Variants in OR51B5 observed in about 807,000 individuals in gnomAD.
OR51B5 encodes the protein olfactory receptor 51B5.
For missense variants in OR51B5, 456 were observed against 374.6 expected (o/e 1.22, Z -1.79); for synonymous variants, 186 against 144.8 (o/e 1.28, Z -2.04).
chr11:5,469,411 A>G (rs370520520), intron 1 of OR51B5: 13 of 152,412 alleles, frequency 8.5e-5, no homozygotes, highest in African/African-American at 3.1e-4. Flanking sequence ...TGTTAGTCCC[A>G]AAGCCCCCCA....
intron 1 of OR51B5, among the ~76,000 whole-genome samples, chr11:5,503,303 C>T (rs919489421): frequency 4.6e-5 from 7 of 152,144 alleles, no homozygotes; most frequent in Non-Finnish European, 1.0e-4. Context: ...AGTTTCATCA[C>T]AGTCTAATTC....
At chr11:5,352,262 C>A (rs750298194) in intron 1 of OR51B5, 15 of 1,614,202 alleles carry the variant, frequency 9.3e-6, no homozygotes, top group Non-Finnish European at 1.3e-5. Context: ...TTCTATGTCA[C>A]TGTAGTTTGT....
chr11:5,343,301 G>GTGGTCAGGGCC lies in OR51B5; in HGVS notation c.213_223dup (p.Thr75ArgfsTer3). ...GAGGACTCCCAGCACCGTGGGCATT[G>GTGGTCAGGGCC]TGGTCAGGGCCAGCCCCAGGTCTGT... On this transcript the variant is annotated stop_gained and frameshift_variant, in exon 1 of 1. Coordinates refer to ENST00000300773, the Ensembl canonical transcript of OR51B5. LOFTEE classifies it low-confidence loss of function (END_TRUNC). 1 of 1,611,858 alleles carries GTGGTCAGGGCC rather than the reference G, an allele frequency of 6.2e-7. No homozygotes were observed. The highest frequency in any genetic ancestry group is 2.2e-5 in the East Asian group (1 of 44,858).
intron 1 of OR51B5, among the ~76,000 whole-genome samples, chr11:5,437,055 G>A (rs1287468441): frequency 6.6e-6 from 1 of 152,018 alleles, no homozygotes; most frequent in African/African-American, 2.4e-5. Flanking sequence ...GAAAGGAGGA[G>A]GGTTAGATCT....
At chr11:5,351,447 T>A (rs139075230) in intron 1 of OR51B5, 1 of 1,372,024 alleles carries the variant, frequency 7.3e-7, no homozygotes, top group East Asian at 2.3e-5. Context: ...GAGCAACTTT[T>A]ATACAACTGA....
At chr11:5,455,039 G>A (rs1162629210) in intron 1 of OR51B5, 5 of 152,258 alleles carry the variant, frequency 3.3e-5, no homozygotes, top group Admixed American at 3.3e-4. Flanking sequence ...TTCACAAAGT[G>A]AAATCAGCTT....
intron 1 of OR51B5, among the ~76,000 whole-genome samples, chr11:5,362,052 A>C (rs558868779): frequency 6.6e-6 from 1 of 152,364 alleles, no homozygotes; most frequent in South Asian, 2.1e-4. Context: ...CAATGCTTTA[A>C]ATTGCTGCAT....
intron 1 of OR51B5, among the ~76,000 whole-genome samples, chr11:5,498,463 C>A (rs1851681003): frequency 6.6e-6 from 1 of 152,090 alleles, no homozygotes; most frequent in South Asian, 2.1e-4. Context: ...ATGGTCCTGT[C>A]TTCATATGTA....
At chr11:5,411,544 G>C (rs906757168) in intron 1 of OR51B5, among the ~76,000 whole-genome samples, 1 of 152,134 alleles carries the variant, frequency 6.6e-6, no homozygotes, top group Non-Finnish European at 1.5e-5. Context: ...TGGGAATTCA[G>C]AATGATTAAA....
At chr11:5,406,572 C>A (rs1475489344) in intron 1 of OR51B5, among the ~76,000 whole-genome samples, 5 of 152,066 alleles carry the variant, frequency 3.3e-5, no homozygotes, top group African/African-American at 4.8e-5. Context: ...AGTTATAAGT[C>A]GTTATATTCA....
intron 1 of OR51B5, among the ~76,000 whole-genome samples, chr11:5,442,348 T>G (rs1226397868): frequency 6.6e-6 from 1 of 152,140 alleles, no homozygotes; most frequent in South Asian, 2.1e-4. Flanking sequence ...CTTTATTCAT[T>G]CTTAACCTCT....
chr11:5,422,029 G>A, intron 1 of OR51B5: 4 of 584,420 alleles, frequency 6.8e-6, no homozygotes, highest in South Asian at 2.4e-5. Context: ...ATTGGGCTAA[G>A]GAAAGGATAT....
intron 1 of OR51B5, among the ~76,000 whole-genome samples, chr11:5,372,361 G>A (rs747298331): frequency 7.2e-5 from 11 of 152,026 alleles, no homozygotes; most frequent in Non-Finnish European, 1.5e-4. Context: ...TTCTATAATG[G>A]CTATGTTAAC....
chr11:5,357,849 G>A (rs541269332), intron 1 of OR51B5, among the ~76,000 whole-genome samples: 221 of 151,572 alleles, frequency 1.5e-3, no homozygotes, highest in Middle Eastern at 3.4e-3. Context: ...ACTCAAAACC[G>A]CTCAACTACA....
At chr11:5,362,410 G>A (rs536165144) in intron 1 of OR51B5, among the ~76,000 whole-genome samples, 1 of 152,182 alleles carries the variant, frequency 6.6e-6, no homozygotes, top group East Asian at 1.9e-4. Context: ...CTATGGCTTT[G>A]GAAAATTGTG....
chr11:5,433,305 A>C (rs1205353516), intron 1 of OR51B5, among the ~76,000 whole-genome samples: 2 of 152,224 alleles, frequency 1.3e-5, no homozygotes, highest in Non-Finnish European at 2.9e-5. Flanking sequence ...AATATAATAC[A>C]ATGTAACATA....
chr11:5,495,264 G>C (rs1054961116), intron 1 of OR51B5, among the ~76,000 whole-genome samples: 3 of 152,146 alleles, frequency 2.0e-5, no homozygotes, highest in Non-Finnish European at 2.9e-5. Context: ...ACATAAAAAT[G>C]TATGAAAGCA....
At chr11:5,410,294 G>T (rs748473024) in intron 1 of OR51B5, among the ~76,000 whole-genome samples, 1 of 152,016 alleles carries the variant, frequency 6.6e-6, no homozygotes, top group Non-Finnish European at 1.5e-5. Flanking sequence ...TATAATTGTG[G>T]CAGGAATCAT....
chr11:5,348,726 T>G (rs983420826), intron 1 of OR51B5, among the ~76,000 whole-genome samples: 5 of 151,846 alleles, frequency 3.3e-5, no homozygotes, highest in Admixed American at 2.6e-4. Context: ...AGACGGAGGG[T>G]GGGTGGGTCT....
Sources: gnomAD v4.1 joint callset for allele counts (sites outside exome capture counted in the v4.1 genomes callset) on GRCh38, gnomAD v4.1.1 for gene constraint, MANE v1.5 for transcripts, NCBI Gene and HGNC (gene_info 2026-07-23, HGNC 2026-07-21) for gene names.